WWC2: variants seen among roughly 807,000 people sequenced by gnomAD.
The protein encoded by WWC2 is protein WWC2.
Under a neutral mutation model 138.5 loss-of-function variants are expected in WWC2, and 101 were observed. The observed-to-expected ratio is 0.73, with a 90% CI of 0.62 to 0.86. WWC2 has a LOEUF of 0.86. Among genes scored for constraint, WWC2 ranks in the 40% least tolerant of loss-of-function variants. The pLI, the probability that WWC2 is intolerant of heterozygous loss-of-function variation, is 0.00. For synonymous variants in WWC2, 558 were observed against 538.4 expected (o/e 1.04, Z -0.50); for missense variants, 1,420 against 1,419.4 (o/e 1.00, Z -0.01).
intron 14 of WWC2, 117 bp from the exon 15 acceptor site, chr4:183,268,854 T>C: frequency 8.9e-7 from 1 of 1,117,618 alleles, no homozygotes; most frequent in Non-Finnish European, 1.3e-6. Context: ...CACTTTAGAT[T>C]GATCTTGAAC....
intron 2 of WWC2, among the ~76,000 whole-genome samples, chr4:183,196,257 A>G (rs1206148669): frequency 6.6e-6 from 1 of 152,168 alleles, no homozygotes; most frequent in Admixed American, 6.5e-5. Context: ...TAACAAGGCA[A>G]GAAGGGTCTA....
chr4:183,192,411 G>A (rs1400857686), intron 1 of WWC2, among the ~76,000 whole-genome samples: 1 of 152,170 alleles, frequency 6.6e-6, no homozygotes, highest in Non-Finnish European at 1.5e-5. Flanking sequence ...TGGTTTGGAA[G>A]GCCAGTGTCT....
chr4:183,133,862 G>A (rs546319929), intron 1 of WWC2, among the ~76,000 whole-genome samples: 9 of 152,214 alleles, frequency 5.9e-5, no homozygotes, highest in African/African-American at 1.9e-4. Flanking sequence ...ATTGAGAAAC[G>A]TGCCCACATT....
chr4:183,234,343 A>C (rs1404948786), intron 4 of WWC2, among the ~76,000 whole-genome samples: 1 of 152,224 alleles, frequency 6.6e-6, no homozygotes, highest in Admixed American at 6.5e-5. Flanking sequence ...ATTTGGCTCC[A>C]CAGAAATAAA....
At chr4:183,296,599 G>A (rs1738635793) in intron 21 of WWC2, among the ~76,000 whole-genome samples, 1 of 152,000 alleles carries the variant, frequency 6.6e-6, no homozygotes, top group Admixed American at 6.6e-5. Flanking sequence ...AGTTTCTGAC[G>A]ATGATTAGAA....
At chr4:183,313,232 A>C (rs1739323715) in intron 22 of WWC2, among the ~76,000 whole-genome samples, 1 of 152,160 alleles carries the variant, frequency 6.6e-6, no homozygotes, top group South Asian at 2.1e-4. Flanking sequence ...AACTGGGCTC[A>C]AGTTGCACAG....
At chr4:183,242,980 G>C (rs1020239061) in intron 5 of WWC2, among the ~76,000 whole-genome samples, 2 of 152,134 alleles carry the variant, frequency 1.3e-5, no homozygotes, top group Non-Finnish European at 2.9e-5. Flanking sequence ...AAGTTCAAAG[G>C]AGGCAAAAGA....
At chr4:183,134,120 C>T (rs1480898387) in intron 1 of WWC2, among the ~76,000 whole-genome samples, 3 of 151,990 alleles carry the variant, frequency 2.0e-5, no homozygotes, top group African/African-American at 7.2e-5. Flanking sequence ...TATGATTAAT[C>T]TATATAACAT....
At chr4:183,111,187 C>T (rs1026870169) in intron 1 of WWC2, among the ~76,000 whole-genome samples, 14 of 152,060 alleles carry the variant, frequency 9.2e-5, no homozygotes, top group East Asian at 5.8e-4. Flanking sequence ...TTGCAGTGAG[C>T]GGAGATTGCA....
chr4:183,141,199 G>A (rs1379166645), intron 1 of WWC2, among the ~76,000 whole-genome samples: 1 of 152,144 alleles, frequency 6.6e-6, no homozygotes, highest in Non-Finnish European at 1.5e-5. Flanking sequence ...TCACAGTTTT[G>A]AAGTCCAAGG....
intron 1 of WWC2, among the ~76,000 whole-genome samples, chr4:183,146,924 A>G (rs1032595328): frequency 6.6e-6 from 1 of 152,174 alleles, no homozygotes; most frequent in Non-Finnish European, 1.5e-5. Context: ...GCATAGATCT[A>G]TTTTGTTTTT....
intron 21 of WWC2, among the ~76,000 whole-genome samples, chr4:183,302,332 T>A (rs1417946988): frequency 6.6e-6 from 1 of 152,220 alleles, no homozygotes; most frequent in African/African-American, 2.4e-5. Context: ...GACAAGGTCC[T>A]TAATTGCCCT....
At chr4:183,231,977 A>C (rs918999969) in intron 4 of WWC2, among the ~76,000 whole-genome samples, 2 of 152,200 alleles carry the variant, frequency 1.3e-5, no homozygotes, top group African/African-American at 4.8e-5. Context: ...GATCTTCCAG[A>C]AACAATTTGA....
chr4:183,267,394 T>G (rs767494606), intron 14 of WWC2, among the ~76,000 whole-genome samples: 10 of 152,200 alleles, frequency 6.6e-5, no homozygotes, highest in Non-Finnish European at 1.5e-4. Context: ...TGGCTTGATA[T>G]AAACTGTGAC....
chr4:183,300,769 A>G (rs1174809008), intron 21 of WWC2, among the ~76,000 whole-genome samples: 1 of 152,050 alleles, frequency 6.6e-6, no homozygotes, highest in Non-Finnish European at 1.5e-5. Flanking sequence ...TTTATAAAAC[A>G]AAGCCAAGTT....
chr4:183,282,677 C>A (rs1738115327), intron 17 of WWC2, 31 bp from the exon 18 acceptor site: 3 of 1,551,396 alleles, frequency 1.9e-6, no homozygotes, highest in Admixed American at 2.0e-5. Flanking sequence ...TGCCTGCCTA[C>A]CAAAAGTGTT....
In WWC2 at chr4:183,289,282, G is replaced by A. The variant is rs1380561675; in HGVS notation, c.3142-111G>A. 2.7e-6 allele frequency: 4 copies of A among 1,458,042 alleles called. No individual in the cohort carries two copies. The Admixed American group carries it at 7.3e-5, about 27-fold the overall frequency. 90.3% of individuals were successfully genotyped at this position (1,458,042 alleles called of 1,614,324 possible). A position where few individuals can be genotyped will look rare whatever the true frequency, so the allele number is the denominator to read the frequency against. ...AGTTGCTCCTGCCCCTTAGGCCCTG[G>A]CTTCTAGGGTGCAAGGAAGCACCAT... On this transcript the variant is annotated intron_variant, in intron 20 of 22. Coordinates refer to ENST00000403733, the MANE Select transcript of WWC2 (RefSeq NM_024949.6).
chr4:183,319,600 G>C lies in WWC2; in HGVS notation c.*3871G>C. ...TTTCTCGTCTCCAGTTCTTGATGAT[G>C]ATCTTGTGTTTGTGCCACTGCGTAG... On this transcript the variant is annotated 3_prime_UTR_variant, in exon 23 of 23. Transcript: ENST00000403733. The C allele has an allele frequency of 6.2e-7, 1 of 1,613,788 alleles. No homozygotes were observed. The highest frequency in any genetic ancestry group is 8.5e-7 in the Non-Finnish European group (1 of 1,179,902).
rs373384207 is a variant in WWC2 at position 183,114,805 on chromosome 4, A to AGGTT, written c.131+15185_131+15188dup. On this transcript the variant is annotated intron_variant, in intron 1 of 22. Coordinates refer to ENST00000403733, the MANE Select transcript of WWC2 (RefSeq NM_024949.6). ...CCAGGTAATAAACATAGTACCCCGT[A>AGGTT]GGTTGTTTGTTTGTTTGTTTTTGTT... 3.8e-3 allele frequency among the ~76,000 whole-genome samples: 584 copies of AGGTT among 151,930 alleles called. 3 individuals carry two copies. Among genetic ancestry groups the AGGTT allele is most frequent in the African/African-American group, 0.014 (560 of 41,450 alleles).
Sources: allele counts gnomAD v4.1 joint callset (sites outside exome capture counted in the v4.1 genomes callset), GRCh38; gene constraint gnomAD v4.1.1; transcripts MANE v1.5; gene names NCBI Gene and HGNC (gene_info 2026-07-23, HGNC 2026-07-21).